Variants in ADGRG2 observed in about 807,000 individuals in gnomAD.
The protein encoded by ADGRG2 is adhesion G protein-coupled receptor G2.
A neutral mutation model predicts 74.1 loss-of-function variants in ADGRG2; 26 were observed. The ratio of observed to expected loss-of-function variants is 0.35; its 90% CI spans 0.26 to 0.49. The LOEUF (loss-of-function observed/expected upper bound fraction) is 0.49, where lower values mean the gene tolerates loss of function less well. Ranked by LOEUF, ADGRG2 falls within the 20% of genes least tolerant of loss-of-function variation. The pLI is 0.99. For synonymous variants in ADGRG2, 296 were observed against 295.2 expected (o/e 1.00, Z -0.03); for missense variants, 619 against 763.1 (o/e 0.81, Z 2.22).
chrX:19,078,101 T>C (rs926619999), intron 2 of ADGRG2, among the ~76,000 whole-genome samples: 1 of 112,066 alleles, frequency 8.9e-6, no homozygotes, highest in Admixed American at 9.4e-5. Context: ...GTGAAAACCA[T>C]CCAGACCAAC....
At chrX:19,093,381 C>A (rs1187217426) in intron 1 of ADGRG2, among the ~76,000 whole-genome samples, 3 of 111,704 alleles carry the variant, frequency 2.7e-5, no homozygotes, top group Non-Finnish European at 5.6e-5. Context: ...GGAGGCCAGT[C>A]TGTGTGCACA....
rs752045253 is a variant in ADGRG2 at position 19,007,632 on chromosome X, G to A, written c.1567-275C>T. On this transcript the variant is annotated intron_variant, in intron 19 of 28. Coordinates refer to ENST00000379869, the MANE Select transcript of ADGRG2 (RefSeq NM_001079858.3). The stretch of plus-strand genomic sequence containing the variant: ...AACATAGCATTAAGCCATTTAAGCC[G>A]TGTGTCCCCAAGCAAGTCACTTAAC... Among the ~76,000 whole-genome samples, 56 of 111,916 alleles carry A rather than the reference G, an allele frequency of 5.0e-4. No individual in the cohort carries two copies. In the Admixed American group the frequency reaches 5.1e-3, roughly 10 times the overall value.
At chrX:19,009,889 CA>C in intron 17 of ADGRG2, 107 bp from the exon 18 acceptor site, 1 of 555,967 alleles carries the variant, frequency 1.8e-6, no homozygotes, top group Non-Finnish European at 2.9e-6. Context: ...CGGCTCACTG[CA>C]ACCTCTGCCT....
intron 3 of ADGRG2, among the ~76,000 whole-genome samples, chrX:19,057,269 ATGTC>A (rs2061421412): frequency 1.8e-5 from 2 of 111,251 alleles, no homozygotes; most frequent in Admixed American, 1.9e-4. Context: ...GTTAGTGAGA[ATGTC>A]TGTTAGAACA....
intron 2 of ADGRG2, among the ~76,000 whole-genome samples, chrX:19,081,946 A>C (rs1398638699): frequency 9.2e-6 from 1 of 109,197 alleles, no homozygotes; most frequent in Non-Finnish European, 1.9e-5. Flanking sequence ...GGTTGCATGC[A>C]CCTGTGGTCC....
chrX:19,092,081 G>A (rs1338418433), intron 1 of ADGRG2, among the ~76,000 whole-genome samples: 1 of 112,107 alleles, frequency 8.9e-6, no homozygotes, highest in East Asian at 2.8e-4. Context: ...CAGGTCATCT[G>A]ACAACTTGTC....
At chrX:19,013,163 GTGAC>G (rs1053223111) in intron 16 of ADGRG2, among the ~76,000 whole-genome samples, 3 of 111,289 alleles carry the variant, frequency 2.7e-5, no homozygotes, top group Admixed American at 9.6e-5. Context: ...CTGTCACTCT[GTGAC>G]TGACTGATTT....
At chrX:19,024,229 T>G (rs2060654120) in intron 11 of ADGRG2, among the ~76,000 whole-genome samples, 1 of 111,807 alleles carries the variant, frequency 8.9e-6, no homozygotes, top group Non-Finnish European at 1.9e-5. Context: ...TACTGCAGCC[T>G]CAGGCAGCTT....
intron 28 of ADGRG2, 45 bp from the exon 29 acceptor site, chrX:18,991,093 A>G: frequency 1.3e-6 from 1 of 750,384 alleles, no homozygotes; most frequent in Non-Finnish European, 1.9e-6. Context: ...TATCCACAGA[A>G]AGCATTAAAA....
chrX:19,115,228 C>T lies in ADGRG2; in HGVS notation c.-47+7214G>A, dbSNP rs745703593. On this transcript the variant is annotated intron_variant, in intron 1 of 28. Coordinates refer to ENST00000379869, the MANE Select transcript of ADGRG2 (RefSeq NM_001079858.3). ...TCAGATTTTATCTATATTCTAGGCT[C>T]ATTCATTCGGTCATTTGACACGTGG... 4.5e-5 allele frequency among the ~76,000 whole-genome samples: 5 copies of T among 111,348 alleles called. No homozygotes were observed. The South Asian group carries it at 1.9e-3, about 43-fold the overall frequency.
At chrX:18,992,748 G>A (rs987292737) in intron 28 of ADGRG2, among the ~76,000 whole-genome samples, 4 of 112,351 alleles carry the variant, frequency 3.6e-5, no homozygotes, top group Non-Finnish European at 7.5e-5. Flanking sequence ...CATCCTCACC[G>A]TCAAGCATCA....
chrX:18,998,600 C>CTTTTTT (rs768424519), intron 26 of ADGRG2, among the ~76,000 whole-genome samples: 1 of 81,198 alleles, frequency 1.2e-5, no homozygotes, highest in African/African-American at 4.7e-5. Flanking sequence ...ACAGATAGTA[C>CTTTTTT]TTTTTTTTTT....
At chrX:19,019,253 T>A (rs1327121283) in intron 15 of ADGRG2, among the ~76,000 whole-genome samples, 1 of 111,946 alleles carries the variant, frequency 8.9e-6, no homozygotes, top group Non-Finnish European at 1.9e-5. Context: ...TATGAAAAAA[T>A]GTTCAGACTC....
intron 26 of ADGRG2, among the ~76,000 whole-genome samples, chrX:18,998,442 A>G (rs1021519403): frequency 1.8e-5 from 2 of 111,360 alleles, no homozygotes; most frequent in Non-Finnish European, 3.8e-5. Context: ...ATAAGGAGAA[A>G]AAAACACCAT....
At chrX:19,057,751 G>A (rs775748012) in intron 3 of ADGRG2, among the ~76,000 whole-genome samples, 1 of 111,217 alleles carries the variant, frequency 9.0e-6, no homozygotes, top group South Asian at 3.9e-4. Flanking sequence ...GAGGTGGGAG[G>A]TGCGCTTGAG....
At chrX:19,065,135 G>C (rs2061545306) in intron 3 of ADGRG2, among the ~76,000 whole-genome samples, 4 of 107,250 alleles carry the variant, frequency 3.7e-5, no homozygotes. Flanking sequence ...GTTGGGCGTG[G>C]TGATGTCACC....
At chrX:19,001,728 G>T (rs2060135769) in intron 24 of ADGRG2, among the ~76,000 whole-genome samples, 1 of 111,499 alleles carries the variant, frequency 9.0e-6, no homozygotes, top group African/African-American at 3.3e-5. Flanking sequence ...CAAGGGTGGT[G>T]GTGTGCTTTC....
At position 19,002,827 on chromosome X, in the gene ADGRG2, C is replaced by A; in HGVS notation, c.2230+19G>T. On this transcript the variant is annotated intron_variant, in intron 24 of 28. Coordinates refer to ENST00000379869, the MANE Select transcript of ADGRG2 (RefSeq NM_001079858.3). ...AGGCAGAGAAAGTCCAGGCAACATG[C>A]AGGCAAGCTTATACATACCCCAACC... The A allele has an allele frequency of 8.4e-7, 1 of 1,193,434 alleles. No homozygotes were observed. Among genetic ancestry groups the A allele is most frequent in the Non-Finnish European group, 1.1e-6 (1 of 881,905 alleles).
intron 26 of ADGRG2, among the ~76,000 whole-genome samples, chrX:18,997,470 T>C (rs185949901): frequency 1.8e-5 from 2 of 112,281 alleles, no homozygotes; most frequent in African/African-American, 3.2e-5. Context: ...GGCATATATA[T>C]ATGTTTTTTC....
Sources: allele counts gnomAD v4.1 joint callset (sites outside exome capture counted in the v4.1 genomes callset), GRCh38; gene constraint gnomAD v4.1.1; transcripts MANE v1.5; gene names NCBI Gene and HGNC (gene_info 2026-07-23, HGNC 2026-07-21).